Variants in ZC3H18 observed in about 807,000 individuals in gnomAD.
The protein encoded by ZC3H18 is zinc finger CCCH domain-containing protein 18.
A neutral mutation model predicts 106.1 loss-of-function variants in ZC3H18; 8 were observed. The ratio of observed to expected loss-of-function variants is 0.08; its 90% confidence interval spans 0.04 to 0.14. ZC3H18 has a LOEUF of 0.14. Ranked by LOEUF, ZC3H18 falls within the 10% of genes least tolerant of loss-of-function variation. The pLI, the probability that ZC3H18 is intolerant of heterozygous loss-of-function variation, is 1.00. For synonymous variants in ZC3H18, 635 were observed against 522.1 expected, an observed-to-expected ratio of 1.22 and a Z score of -2.95; for missense variants, 1,318 against 1,278.4, an observed-to-expected ratio of 1.03 and a Z score of -0.47.
At chr16:88,614,425 G>A (rs946199113) in intron 8 of ZC3H18, among the ~76,000 whole-genome samples, 1 of 152,186 alleles carries the variant, frequency 6.6e-6, no homozygotes, top group African/African-American at 2.4e-5. Context: ...AGTCATCTAC[G>A]CTTTTCTGAA....
At chr16:88,608,873 G>A in intron 6 of ZC3H18, 61 bp from the exon 7 acceptor site, 1 of 1,365,704 alleles carries the variant, frequency 7.3e-7, no homozygotes, top group Non-Finnish European at 1.0e-6. Flanking sequence ...AATGTTTCGT[G>A]TGGTCTTTTT....
At chr16:88,578,976 C>G (rs888256750) in intron 2 of ZC3H18, among the ~76,000 whole-genome samples, 3 of 152,204 alleles carry the variant, frequency 2.0e-5, no homozygotes, top group Non-Finnish European at 4.4e-5. Context: ...GCGTGAGGCA[C>G]CACGCCCGGC....
intron 7 of ZC3H18, chr16:88,609,356 G>C (rs770028080): frequency 1.0e-5 from 2 of 198,708 alleles, no homozygotes; most frequent in South Asian, 1.5e-4. Flanking sequence ...GGAGTGCAGC[G>C]GTGCAATCTC....
intron 6 of ZC3H18, among the ~76,000 whole-genome samples, chr16:88,604,688 A>C (rs1395869585): frequency 6.6e-6 from 1 of 152,174 alleles, no homozygotes; most frequent in African/African-American, 2.4e-5. Context: ...TCCATCTCAA[A>C]GAAAAAAAAA....
chr16:88,572,211 G>C (rs1914451061), intron 1 of ZC3H18, among the ~76,000 whole-genome samples: 1 of 152,228 alleles, frequency 6.6e-6, no homozygotes, highest in South Asian at 2.1e-4. Context: ...GCAATGAGAA[G>C]GTCCCCAAAC....
At chr16:88,593,670 C>G (rs553820916) in intron 3 of ZC3H18, among the ~76,000 whole-genome samples, 25 of 152,298 alleles carry the variant, frequency 1.6e-4, no homozygotes, top group Non-Finnish European at 3.5e-4. Flanking sequence ...CCTGTGCGCT[C>G]TCCGTGGAGC....
In ZC3H18 at chr16:88,611,312, CGAGCGGGAGCGGGAGCGGGACCGA is replaced by C. The variant is rs1234776841; in HGVS notation, c.1263_1286del (p.Glu422_Arg429del). 4 of 738,086 alleles carry C rather than the reference CGAGCGGGAGCGGGAGCGGGACCGA, an allele frequency of 5.4e-6. No homozygotes were observed. The highest frequency in any genetic ancestry group is 7.4e-6 in the Non-Finnish European group (3 of 402,940). 45.7% of individuals were successfully genotyped at this position (738,086 alleles called of 1,614,324 possible). On this transcript the variant is annotated inframe_deletion, in exon 8 of 18. Transcript: ENST00000301011. ...AGAGAGAGAACAGACAGCGCGAGCG[CGAGCGGGAGCGGGAGCGGGACCGA>C]GAGCGGGAGCGCCGGCAGAGGGAGC...
At chr16:88,583,361 C>T (rs765892706) in intron 2 of ZC3H18, among the ~76,000 whole-genome samples, 24 of 152,348 alleles carry the variant, frequency 1.6e-4, no homozygotes, top group South Asian at 4.1e-4. Flanking sequence ...GACTCAGGCG[C>T]GCTTGCTGAG....
intron 3 of ZC3H18, among the ~76,000 whole-genome samples, chr16:88,589,519 ACT>A (rs1915620441): frequency 6.6e-6 from 1 of 152,164 alleles, no homozygotes; most frequent in Non-Finnish European, 1.5e-5. Flanking sequence ...ATGTGGACAA[ACT>A]TTGAAGACGT....
At chr16:88,611,564 G>T (rs1597348223) in intron 8 of ZC3H18, 28 bp downstream of exon 8, 9 of 1,545,662 alleles carry the variant, frequency 5.8e-6, no homozygotes, top group Non-Finnish European at 7.0e-6. Flanking sequence ...AAGCCCAGGG[G>T]TGTGGGGGAG....
In ZC3H18 at chr16:88,584,714, G is replaced by A. The variant is rs118157243; in HGVS notation, c.604-1886G>A. Among the ~76,000 whole-genome samples the A allele has an allele frequency of 1.7e-3, 255 of 152,286 alleles. 1 individual carries two copies. The highest frequency in any genetic ancestry group is 3.2e-3 in the Admixed American group (49 of 15,310). On this transcript the variant is annotated intron_variant, in intron 2 of 17. Coordinates refer to ENST00000301011, the MANE Select transcript of ZC3H18 (RefSeq NM_144604.4). ...AGTATGCAACTCTGGTCTGTTTACC[G>A]ATCACCTTTAGTAGCTACAGGGTCC...
intron 1 of ZC3H18, among the ~76,000 whole-genome samples, chr16:88,572,784 G>T (rs1328890325): frequency 6.6e-6 from 1 of 151,786 alleles, no homozygotes; most frequent in Admixed American, 6.6e-5. Context: ...TTGAAACGGA[G>T]TCTCACTCTG....
Position 88,623,354 on chromosome 16 carries a change from C to T in ZC3H18, c.1793+10C>T, listed in dbSNP as rs746315396. ...CAGGAAGCCGGTCCAGGTATGTCCC[C>T]AGGGCCCATGAAGGGCCCTCAGCAG... is the stretch of plus-strand genomic sequence containing the variant. On this transcript the variant is annotated intron_variant, in intron 10 of 17. Coordinates refer to ENST00000301011, the MANE Select transcript of ZC3H18 (RefSeq NM_144604.4). 9 of 1,612,536 alleles carry T rather than the reference C, an allele frequency of 5.6e-6. No homozygotes were observed. The South Asian group carries it at 8.8e-5, about 16-fold the overall frequency.
At chr16:88,570,795 C>T (rs1427534909) in intron 1 of ZC3H18, among the ~76,000 whole-genome samples, 3 of 152,084 alleles carry the variant, frequency 2.0e-5, no homozygotes, top group Non-Finnish European at 4.4e-5. Flanking sequence ...CTGGGGCGCC[C>T]TGGGCGCCCG....
intron 2 of ZC3H18, among the ~76,000 whole-genome samples, chr16:88,584,148 G>A (rs1426279508): frequency 6.6e-6 from 1 of 152,178 alleles, no homozygotes; most frequent in Non-Finnish European, 1.5e-5. Flanking sequence ...GAGGCTGGGC[G>A]TGGTGGCTCA....
intron 8 of ZC3H18, among the ~76,000 whole-genome samples, chr16:88,618,396 A>G (rs1905755520): frequency 6.6e-6 from 1 of 152,216 alleles, no homozygotes; most frequent in African/African-American, 2.4e-5. Flanking sequence ...GGGGAGGCCC[A>G]TAGGCTCCCA....
At chr16:88,621,106 G>T in intron 8 of ZC3H18, among the ~76,000 whole-genome samples, 1 of 152,152 alleles carries the variant, frequency 6.6e-6, no homozygotes, top group East Asian at 1.9e-4. Context: ...GGGCAGTGGC[G>T]CAGTCTCAGC....
chr16:88,627,682 A>G lies in ZC3H18; in HGVS notation c.2169A>G (p.Ala723=). The G allele has an allele frequency of 1.9e-6, 3 of 1,613,716 alleles. No individual in the cohort carries two copies. Among genetic ancestry groups the G allele is most frequent in the Non-Finnish European group, 2.5e-6 (3 of 1,179,758 alleles). The part of the protein sequence containing the change: ...VSSATSSSSS[A]HSVDSEDMYA... ...GTGCTACGTCGAGCAGCAGCTCTGC[A>G]CACAGCGTGGACTCGGAGGACATGT... Residue 723 remains alanine, a synonymous_variant, in exon 14 of 18, where the codon GCA becomes GCG. Transcript: ENST00000301011. This position sits in a 1 kb window ranked among gnomAD's most constrained non-coding sequence, Gnocchi z 4.5.
In ZC3H18 at chr16:88,622,372, G is replaced by C; in HGVS notation, c.1651G>C (p.Ala551Pro). 1 of 1,610,266 alleles carries C rather than the reference G, an allele frequency of 6.2e-7. No homozygotes were observed. ...GAAAACATCAGCCTCGTCAGCCTCT[G>C]CCTCTAATTCCTCCAGGTAAGGAGG... ...RRKTSASSASASNSSRSSSRS... is the reference protein window; with the variant it reads ...RRKTSASSASPSNSSRSSSRS... The change falls in exon 9 of 18, where the codon GCC (alanine) becomes CCC (proline). Residue 551 changes from alanine (A) to proline (P), a missense_variant. Ala to Pro is a conservative substitution (Grantham distance 27). Transcript: ENST00000301011.
Sources: allele counts gnomAD v4.1 joint callset (sites outside exome capture counted in the v4.1 genomes callset), GRCh38; gene constraint gnomAD v4.1.1; non-coding constraint Gnocchi (gnomAD v3.1); transcripts MANE v1.5; gene names NCBI Gene and HGNC (gene_info 2026-07-23, HGNC 2026-07-21).